RIN3: variants seen among roughly 807,000 people sequenced by gnomAD.
The protein encoded by RIN3 is RAB5 interacting protein 3.
In RIN3, 54 loss-of-function variants were observed where a neutral mutation model predicts 76.3. The ratio of observed to expected loss-of-function variants is 0.71; its 90% CI spans 0.57 to 0.89. The LOEUF (loss-of-function observed/expected upper bound fraction) is 0.89. Among genes scored for constraint, RIN3 ranks in the 40% least tolerant of loss-of-function variants. The probability of loss-of-function intolerance (pLI) is 0.00; values close to 1 mark genes in which losing one functional copy is unlikely to be tolerated. For missense variants in RIN3, 1,256 were observed against 1,322.1 expected (o/e 0.95, Z 0.78); for synonymous variants, 576 against 564.0 (o/e 1.02, Z -0.30).
At chr14:92,515,119 A>G (rs1006947568) in intron 1 of RIN3, 15 of 639,658 alleles carry the variant, frequency 2.3e-5, no homozygotes, top group African/African-American at 1.4e-4. Flanking sequence ...AAGCTCATCT[A>G]GATCTGAACG....
At chr14:92,562,186 G>C (rs61975769) in intron 2 of RIN3, among the ~76,000 whole-genome samples, 15,357 of 152,224 alleles carry the variant, frequency 0.1, 1,099 homozygotes, top group East Asian at 0.37. Flanking sequence ...GTTAGACTGG[G>C]GTTAGGGGTT....
intron 8 of RIN3, among the ~76,000 whole-genome samples, chr14:92,677,398 C>T (rs2140170722): frequency 6.6e-6 from 1 of 152,344 alleles, no homozygotes; most frequent in South Asian, 2.1e-4. Flanking sequence ...GAACCATCCT[C>T]CCAGGCCCTG....
Position 92,673,970 on chromosome 14 carries a change from CGTT to C in RIN3, c.2336-2501_2336-2499del, listed in dbSNP as rs749022981. 7.2e-5 allele frequency among the ~76,000 whole-genome samples: 11 copies of C among 152,294 alleles called. No individual in the cohort carries two copies. The East Asian group carries it at 1.5e-3, about 21-fold the overall frequency. On this transcript the variant is annotated intron_variant, in intron 7 of 9. Coordinates refer to ENST00000216487, the MANE Select transcript of RIN3 (RefSeq NM_024832.5). ...TTGGCAACCAGATTTTAGATACAGT[CGTT>C]GTTTCTTGAGTGTAGTGCGTTTGTT...
chr14:92,627,602 T>A (rs1050714341), intron 4 of RIN3, among the ~76,000 whole-genome samples: 1 of 152,190 alleles, frequency 6.6e-6, no homozygotes, highest in Non-Finnish European at 1.5e-5. Flanking sequence ...TTTGGTCTTG[T>A]GCGCAAAGTT....
intron 3 of RIN3, among the ~76,000 whole-genome samples, chr14:92,613,816 C>T (rs1039390195): frequency 1.3e-5 from 2 of 152,192 alleles, no homozygotes; most frequent in Admixed American, 6.5e-5. Context: ...ACTAGAACCT[C>T]GGGAGACCAG....
chr14:92,622,692 A>ACCT (rs2140111213), intron 4 of RIN3, among the ~76,000 whole-genome samples: 1 of 152,312 alleles, frequency 6.6e-6, no homozygotes, highest in South Asian at 2.1e-4. Context: ...TGACATCATC[A>ACCT]AAGGAGGCAA....
intron 3 of RIN3, among the ~76,000 whole-genome samples, chr14:92,581,068 T>C (rs189301267): frequency 8.5e-5 from 13 of 152,328 alleles, no homozygotes; most frequent in African/African-American, 2.4e-4. Context: ...GAGAGTGTTA[T>C]GGTTTTCCCA....
chr14:92,548,242 C>T (rs1897333738), intron 1 of RIN3, among the ~76,000 whole-genome samples: 1 of 151,714 alleles, frequency 6.6e-6, no homozygotes. Flanking sequence ...TTTTTTTAAA[C>T]TTTCAAGAGC....
chr14:92,659,378 C>A lies in RIN3; in HGVS notation c.2244C>A (p.Ser748Arg), dbSNP rs1168860478. Residue 748 changes from serine (S) to arginine (R), a missense_variant, in exon 7 of 10, where the codon AGC becomes AGA. This residue lies in a region of RIN3 where 428 missense variants were observed against 521.2 expected (regional missense o/e 0.82). Coordinates refer to ENST00000216487, the MANE Select transcript of RIN3 (RefSeq NM_024832.5). ...AGAAGATCCTGCAGAAGTTCACCAG[C>A]ATGCACAAGGCCTACTCACCTGAGA... ...MMEKILQKFT[S>R]MHKAYSPEKK... 1.9e-6 allele frequency: 3 copies of A among 1,613,374 alleles called. No individual in the cohort carries two copies. The highest frequency in any genetic ancestry group is 2.5e-6 in the Non-Finnish European group (3 of 1,179,560).
chr14:92,680,741 C>T (rs1240820794), intron 8 of RIN3, among the ~76,000 whole-genome samples: 1 of 152,196 alleles, frequency 6.6e-6, no homozygotes, highest in African/African-American at 2.4e-5. Flanking sequence ...CTGTGTTCGA[C>T]AGAAAGCCTG....
chr14:92,577,270 C>T (rs1898272188), intron 2 of RIN3, 90 bp from the exon 3 acceptor site: 3 of 816,366 alleles, frequency 3.7e-6, no homozygotes, highest in South Asian at 3.0e-5. Context: ...ATTTCAGGAA[C>T]CTTCCAGATG....
At chr14:92,664,460 C>T (rs547608336) in intron 7 of RIN3, among the ~76,000 whole-genome samples, 3 of 150,094 alleles carry the variant, frequency 2.0e-5, no homozygotes, top group African/African-American at 4.9e-5. Flanking sequence ...CTCCGCCTCC[C>T]GGGTTCACGC....
At chr14:92,576,687 A>G (rs1174344462) in intron 2 of RIN3, among the ~76,000 whole-genome samples, 1 of 152,202 alleles carries the variant, frequency 6.6e-6, no homozygotes, top group Admixed American at 6.5e-5. Context: ...ACGTCCTGTT[A>G]TAATCAGAGA....
At chr14:92,549,411 G>A (rs1897364763) in intron 1 of RIN3, among the ~76,000 whole-genome samples, 1 of 152,184 alleles carries the variant, frequency 6.6e-6, no homozygotes, top group Non-Finnish European at 1.5e-5. Context: ...GTGAAGCTGG[G>A]AAACTTCTGC....
intron 5 of RIN3, among the ~76,000 whole-genome samples, chr14:92,641,865 CCCAGCA>C (rs1273033724): frequency 6.6e-6 from 1 of 152,174 alleles, no homozygotes; most frequent in Non-Finnish European, 1.5e-5. Context: ...TGTGTCTGAC[CCCAGCA>C]CTTTCACATA....
intron 2 of RIN3, among the ~76,000 whole-genome samples, chr14:92,575,577 G>T (rs899371891): frequency 2.0e-5 from 3 of 152,016 alleles, no homozygotes; most frequent in Non-Finnish European, 4.4e-5. Context: ...CAGAACTAAG[G>T]GTCCCTCCCC....
rs1264231503 is a variant in RIN3, at chr14:92,636,373, C to A, written c.441-4865C>A. Reference sequence around the variant, plus strand: ...GGCCACTGTGTGGATCACCTGAAGTCAGGAGTTTAAGACCAGCCTGGTCAA... The same window carrying A: ...GGCCACTGTGTGGATCACCTGAAGTAAGGAGTTTAAGACCAGCCTGGTCAA... On this transcript the variant is annotated intron_variant, in intron 4 of 9. Coordinates refer to ENST00000216487, the MANE Select transcript of RIN3 (RefSeq NM_024832.5). 2.6e-5 allele frequency among the ~76,000 whole-genome samples: 4 copies of A among 152,234 alleles called. No homozygotes were observed. In the East Asian group the frequency reaches 7.8e-4, roughly 30 times the overall value.
chr14:92,572,049 G>A (rs2140052675), intron 2 of RIN3, among the ~76,000 whole-genome samples: 1 of 152,342 alleles, frequency 6.6e-6, no homozygotes, highest in Admixed American at 6.5e-5. Flanking sequence ...GGAACAAAAG[G>A]AAGGAAAGTA....
intron 3 of RIN3, among the ~76,000 whole-genome samples, chr14:92,595,667 C>T (rs1002978787): frequency 1.3e-5 from 2 of 152,204 alleles, no homozygotes; most frequent in African/African-American, 2.4e-5. Context: ...TCCCCAGTAA[C>T]TTGCTATGTG....
Sources: gnomAD v4.1 joint callset for allele counts (sites outside exome capture counted in the v4.1 genomes callset) on GRCh38, gnomAD v4.1.1 for gene constraint, gnomAD v4.1.1 regional missense constraint, MANE v1.5 for transcripts, NCBI Gene and HGNC (gene_info 2026-07-23, HGNC 2026-07-21) for gene names.